CSMD3: variants seen among roughly 807,000 people sequenced by gnomAD.
CSMD3 encodes the protein CUB and sushi domain-containing protein 3.
In CSMD3, 177 loss-of-function variants were observed where a neutral mutation model predicts 435.2. The observed-to-expected ratio is 0.41, with a 90% CI of 0.36 to 0.46. CSMD3 has a LOEUF of 0.46. CSMD3 is among the 20% of genes least tolerant of loss of function. The probability of loss-of-function intolerance (pLI) is 0.34; values close to 1 mark genes in which losing one functional copy is unlikely to be tolerated. For synonymous variants in CSMD3, 1,656 were observed against 1,520.5 expected, an observed-to-expected ratio of 1.09 and a Z score of -2.07; for missense variants, 4,265 against 4,504.6, an observed-to-expected ratio of 0.95 and a Z score of 1.52.
chr8:112,237,197 T>G lies in CSMD3; in HGVS notation c.10620A>C (p.Leu3540=). ...ATLSNSNMEL[L]LSGVYKSQEA... ...CTGTTTTTATTGCGATACCTGAAAG[T>G]AGCAGCTCCATGTTGCTATTGCTCA... Residue 3540 remains leucine (L), a synonymous_variant, in exon 67 of 71, where the codon CTA becomes CTC. Transcript: ENST00000297405. 1 of 1,613,534 alleles carries G rather than the reference T, an allele frequency of 6.2e-7. No homozygotes were observed. The highest frequency in any genetic ancestry group is 1.1e-5 in the South Asian group (1 of 91,078).
At chr8:113,421,670 C>G (rs917390093) in intron 1 of CSMD3, among the ~76,000 whole-genome samples, 4 of 152,042 alleles carry the variant, frequency 2.6e-5, no homozygotes, top group East Asian at 1.9e-4. Flanking sequence ...CTCCTTCTGC[C>G]CTTCCCATCC....
intron 3 of CSMD3, among the ~76,000 whole-genome samples, chr8:113,209,735 T>C (rs1001470991): frequency 3.3e-5 from 5 of 152,116 alleles, no homozygotes; most frequent in African/African-American, 7.2e-5. Context: ...TTTTCTCTAA[T>C]TTTATTCAGT....
At chr8:113,201,420 C>A (rs1164292892) in intron 3 of CSMD3, among the ~76,000 whole-genome samples, 1 of 151,906 alleles carries the variant, frequency 6.6e-6, no homozygotes, top group Non-Finnish European at 1.5e-5. Context: ...CCAGTCTCTT[C>A]CACTCCTTAT....
At chr8:113,311,805 T>C (rs2093871482) in intron 2 of CSMD3, 1 of 152,062 alleles carries the variant, frequency 6.6e-6, no homozygotes, top group Non-Finnish European at 1.5e-5. Flanking sequence ...CAAAAACCAA[T>C]AAATGTGTTA....
In CSMD3 at chr8:113,181,470, T is replaced by G. The variant is rs144497122; in HGVS notation, c.515-7554A>C. Among the ~76,000 whole-genome samples the G allele has an allele frequency of 3.9e-5, 6 of 152,194 alleles. No homozygotes were observed. In the East Asian group the frequency reaches 1.2e-3, roughly 30 times the overall value. On this transcript the variant is annotated intron_variant, in intron 3 of 70. Coordinates refer to ENST00000297405, the MANE Select transcript of CSMD3 (RefSeq NM_198123.2). ...ACAAGGTAGAAAATACTTTGCACCA[T>G]ATACAAGGACAAGTCATTAGTTATG...
At chr8:112,628,027 G>A (rs867337359) in intron 22 of CSMD3, among the ~76,000 whole-genome samples, 1 of 152,110 alleles carries the variant, frequency 6.6e-6, no homozygotes. Context: ...CGTTCTAAAA[G>A]GATGTCTGTA....
At chr8:112,676,867 CT>C (rs1229835637) in intron 16 of CSMD3, among the ~76,000 whole-genome samples, 6 of 152,018 alleles carry the variant, frequency 3.9e-5, no homozygotes, top group African/African-American at 1.4e-4. Flanking sequence ...CTTTCAAGTT[CT>C]TTTGGGATTC....
intron 13 of CSMD3, among the ~76,000 whole-genome samples, chr8:112,729,621 T>C (rs1458943869): frequency 6.6e-6 from 1 of 152,104 alleles, no homozygotes; most frequent in Non-Finnish European, 1.5e-5. Flanking sequence ...ATTATCTGTG[T>C]GAGCCCTAAA....
chr8:113,300,576 T>G (rs2093758038), intron 2 of CSMD3, among the ~76,000 whole-genome samples: 1 of 152,016 alleles, frequency 6.6e-6, no homozygotes. Flanking sequence ...CCTAAGCAAA[T>G]TAATGCAAGA....
intron 8 of CSMD3, among the ~76,000 whole-genome samples, chr8:112,953,596 A>G (rs1384772919): frequency 6.6e-6 from 1 of 151,434 alleles, no homozygotes; most frequent in East Asian, 1.9e-4. Context: ...AACTAATAAA[A>G]TGTAAAAATC....
At chr8:112,536,733 G>A (rs533576525) in intron 27 of CSMD3, among the ~76,000 whole-genome samples, 22 of 149,758 alleles carry the variant, frequency 1.5e-4, no homozygotes, top group East Asian at 7.8e-4. Flanking sequence ...TGTTTATTGC[G>A]GCACTATTCA....
At chr8:112,413,143 T>C (rs566783275) in intron 32 of CSMD3, among the ~76,000 whole-genome samples, 1 of 152,172 alleles carries the variant, frequency 6.6e-6, no homozygotes, top group Admixed American at 6.5e-5. Flanking sequence ...CTAATTTATA[T>C]CACATTGCTA....
intron 4 of CSMD3, among the ~76,000 whole-genome samples, chr8:113,153,125 G>GAAATAA (rs760951695): frequency 1.7e-5 from 1 of 59,548 alleles, no homozygotes; most frequent in Admixed American, 2.2e-4. Flanking sequence ...AAGAAAGAAA[G>GAAATAA]AGAAAGAAGG....
chr8:112,656,186 C>T lies in CSMD3; in HGVS notation c.2972G>A (p.Arg991His), dbSNP rs765272092. Residue 991 changes from arginine (R) to histidine (H), a missense_variant, in exon 18 of 71, where the codon CGT becomes CAT. By Grantham distance (29) the Arg-to-His change is conservative. Transcript: ENST00000297405. ...ATGAATCTTGAAACCATTATTGGAACGACTGTTGTCTGTTGTAAATAGAAG... is the reference window on the plus strand; with the variant it reads ...ATGAATCTTGAAACCATTATTGGAATGACTGTTGTCTGTTGTAAATAGAAG... ...IYLLFTTDNS[R>H]SNNGFKIHYE... 7.0e-6 allele frequency: 11 copies of T among 1,579,742 alleles called. No homozygotes were observed. Among genetic ancestry groups the T allele is most frequent in the Middle Eastern group, 1.7e-4 (1 of 5,996 alleles).
chr8:113,029,313 G>A (rs9785098), intron 5 of CSMD3, among the ~76,000 whole-genome samples: 101,568 of 150,946 alleles, frequency 0.67, 36,789 homozygotes, highest in East Asian at 0.95. Context: ...CCAGGGAAGG[G>A]CATAACCAAA....
chr8:112,798,009 C>T (rs2078869119), intron 13 of CSMD3, among the ~76,000 whole-genome samples: 2 of 151,656 alleles, frequency 1.3e-5, no homozygotes, highest in Admixed American at 6.6e-5. Flanking sequence ...AGCAGAAATA[C>T]AAAGACAAGT....
chr8:112,570,424 G>A (rs1030622188), intron 24 of CSMD3, among the ~76,000 whole-genome samples: 15 of 152,168 alleles, frequency 9.9e-5, no homozygotes, highest in African/African-American at 2.4e-4. Context: ...ACATTGAAAC[G>A]TCTGTTAATT....
At chr8:112,922,732 T>C (rs559136420) in intron 9 of CSMD3, among the ~76,000 whole-genome samples, 1 of 152,056 alleles carries the variant, frequency 6.6e-6, no homozygotes, top group Non-Finnish European at 1.5e-5. Context: ...AATAGTCCCT[T>C]AACATGGCAT....
chr8:112,856,957 G>T (rs1312523054), intron 11 of CSMD3, among the ~76,000 whole-genome samples: 1 of 151,762 alleles, frequency 6.6e-6, no homozygotes, highest in East Asian at 1.9e-4. Context: ...GCTATAAACT[G>T]TTAGGGCATC....
Sources: allele counts gnomAD v4.1 joint callset (sites outside exome capture counted in the v4.1 genomes callset), GRCh38; gene constraint gnomAD v4.1.1; transcripts MANE v1.5; gene names NCBI Gene and HGNC (gene_info 2026-07-23, HGNC 2026-07-21).